The following SLIT3 variants were observed in gnomAD, a reference collection of about 807,000 sequenced individuals.
SLIT3 encodes the protein slit guidance ligand 3, also known as slit homolog 3 protein.
Under a neutral mutation model 184.0 loss-of-function variants are expected in SLIT3, and 68 were observed. That is an observed-to-expected ratio of 0.37 (90% confidence interval 0.30 to 0.45). The LOEUF (loss-of-function observed/expected upper bound fraction) is 0.45, where lower values mean the gene tolerates loss of function less well. Among genes scored for constraint, SLIT3 ranks in the 20% least tolerant of loss-of-function variants. The pLI is 1.00. For missense variants in SLIT3, 1,707 were observed against 2,026.0 expected, an observed-to-expected ratio of 0.84 and a Z score of 3.02; for synonymous variants, 831 against 828.6, an observed-to-expected ratio of 1.00 and a Z score of -0.05.
chr5:169,090,106 C>A (rs1303347473), intron 4 of SLIT3, among the ~76,000 whole-genome samples: 3 of 152,142 alleles, frequency 2.0e-5, no homozygotes, highest in Non-Finnish European at 2.9e-5. Flanking sequence ...GCTGTTCCCA[C>A]CTGTACGCTA....
chr5:168,769,180 C>G (rs920715327), intron 14 of SLIT3, among the ~76,000 whole-genome samples: 6 of 152,126 alleles, frequency 3.9e-5, no homozygotes, highest in Non-Finnish European at 5.9e-5. Flanking sequence ...ACAGGATGAA[C>G]CAATAACCAC....
intron 4 of SLIT3, among the ~76,000 whole-genome samples, chr5:169,066,038 G>A (rs1006912839): frequency 5.9e-5 from 9 of 152,268 alleles, no homozygotes; most frequent in East Asian, 3.9e-4. Flanking sequence ...AGAGAGGTGC[G>A]GTAACCTGGC....
intron 4 of SLIT3, among the ~76,000 whole-genome samples, chr5:168,993,427 A>AG (rs1476300265): frequency 2.0e-5 from 3 of 152,208 alleles, no homozygotes; most frequent in African/African-American, 7.2e-5. Context: ...TCTCAGAAGC[A>AG]GGCAGGACAG....
chr5:169,034,615 T>C (rs1757161500), intron 4 of SLIT3, among the ~76,000 whole-genome samples: 1 of 152,208 alleles, frequency 6.6e-6, no homozygotes, highest in South Asian at 2.1e-4. Flanking sequence ...GGCCTTCCAC[T>C]GGCCAAGTGG....
At chr5:168,930,965 G>A (rs1293873675) in intron 4 of SLIT3, among the ~76,000 whole-genome samples, 1 of 152,180 alleles carries the variant, frequency 6.6e-6, no homozygotes, top group Non-Finnish European at 1.5e-5. Context: ...AATCCACAGA[G>A]AGCCTGCAAA....
chr5:169,262,052 C>G (rs553057541), intron 1 of SLIT3, among the ~76,000 whole-genome samples: 3 of 152,280 alleles, frequency 2.0e-5, no homozygotes, highest in African/African-American at 7.2e-5. Context: ...GGAAGCAGGT[C>G]CTTCTCCAGT....
chr5:168,961,557 G>A (rs1026480700), intron 4 of SLIT3, among the ~76,000 whole-genome samples: 1 of 152,164 alleles, frequency 6.6e-6, no homozygotes, highest in African/African-American at 2.4e-5. Context: ...TGTTATAGGA[G>A]TTTAGAGAAA....
intron 4 of SLIT3, among the ~76,000 whole-genome samples, chr5:168,984,661 G>A (rs1755066127): frequency 6.6e-6 from 1 of 152,170 alleles, no homozygotes; most frequent in Non-Finnish European, 1.5e-5. Flanking sequence ...CTTTTCCAAG[G>A]AGAAGGGCCC....
At chr5:168,903,503 A>G (rs1454773920) in intron 4 of SLIT3, among the ~76,000 whole-genome samples, 2 of 152,198 alleles carry the variant, frequency 1.3e-5, no homozygotes, top group African/African-American at 4.8e-5. Flanking sequence ...CATGATGCCA[A>G]GGTCACAGTA....
chr5:169,296,700 C>T (rs892991875), intron 1 of SLIT3, among the ~76,000 whole-genome samples: 4 of 152,204 alleles, frequency 2.6e-5, no homozygotes, highest in Non-Finnish European at 4.4e-5. Flanking sequence ...GCCCAACCAC[C>T]GGCAAAGCTA....
intron 4 of SLIT3, among the ~76,000 whole-genome samples, chr5:168,886,504 G>A (rs66623826): frequency 0.37 from 55,861 of 152,052 alleles, 11,253 homozygotes; most frequent in Admixed American, 0.45. Flanking sequence ...ATCTATCCAC[G>A]ATGCCCAAGA....
chr5:168,858,630 C>G (rs553846723), intron 5 of SLIT3, among the ~76,000 whole-genome samples: 1 of 152,372 alleles, frequency 6.6e-6, no homozygotes, highest in Non-Finnish European at 1.5e-5. Flanking sequence ...TCTGAGCTCC[C>G]TCAGCTGCTC....
At chr5:168,937,859 T>C (rs1001276916) in intron 4 of SLIT3, among the ~76,000 whole-genome samples, 1 of 150,370 alleles carries the variant, frequency 6.7e-6, no homozygotes, top group Non-Finnish European at 1.5e-5. Flanking sequence ...TAATAAACGA[T>C]AGCAATTATA....
At chr5:168,843,446 T>G (rs1181593060) in intron 6 of SLIT3, among the ~76,000 whole-genome samples, 1 of 152,154 alleles carries the variant, frequency 6.6e-6, no homozygotes, top group Non-Finnish European at 1.5e-5. Context: ...GGAGGAGGCT[T>G]GAGAAACCCC....
intron 4 of SLIT3, among the ~76,000 whole-genome samples, chr5:169,100,132 A>G (rs1191774792): frequency 2.6e-5 from 4 of 152,192 alleles, no homozygotes; most frequent in Non-Finnish European, 5.9e-5. Context: ...TGTGGTCTAT[A>G]CAAACAGGTA....
chr5:168,709,378 G>T (rs895300764), intron 25 of SLIT3, among the ~76,000 whole-genome samples: 4 of 152,184 alleles, frequency 2.6e-5, no homozygotes, highest in African/African-American at 9.7e-5. Context: ...TTAGAGGCAT[G>T]AGCCACCGTG....
intron 1 of SLIT3, among the ~76,000 whole-genome samples, chr5:169,263,967 G>A (rs1369490390): frequency 4.0e-5 from 6 of 148,256 alleles, no homozygotes; most frequent in Admixed American, 6.7e-5. Flanking sequence ...GTGGAGAAAC[G>A]GGGTTTTTTT....
chr5:168,799,693 G>T (rs1379425629), intron 9 of SLIT3, among the ~76,000 whole-genome samples: 2 of 152,180 alleles, frequency 1.3e-5, no homozygotes, highest in East Asian at 1.9e-4. Context: ...AACATTGGTG[G>T]TGGTGGTGGT....
intron 4 of SLIT3, among the ~76,000 whole-genome samples, chr5:169,047,610 AT>A (rs1757670595): frequency 6.6e-6 from 1 of 151,436 alleles, no homozygotes; most frequent in Non-Finnish European, 1.5e-5. Context: ...TATGTCCATC[AT>A]CTCCCATGAT....
Sources: allele counts gnomAD v4.1 joint callset (sites outside exome capture counted in the v4.1 genomes callset), GRCh38; gene constraint gnomAD v4.1.1; transcripts MANE v1.5; gene names NCBI Gene and HGNC (gene_info 2026-07-23, HGNC 2026-07-21).